The following ADGRL3 variants were observed in gnomAD, a reference collection of about 807,000 sequenced individuals.
ADGRL3 encodes calcium-independent alpha-latrotoxin receptor 3.
In ADGRL3, 62 loss-of-function variants were observed where a neutral mutation model predicts 153.5. The ratio of observed to expected loss-of-function variants is 0.40; its 90% CI spans 0.33 to 0.50. ADGRL3 has a LOEUF of 0.50. Ranked by LOEUF, ADGRL3 falls within the 20% of genes least tolerant of loss-of-function variation. ADGRL3 has a pLI of 0.47. For missense variants in ADGRL3, 1,641 were observed against 1,859.4 expected (o/e 0.88, Z 2.16); for synonymous variants, 710 against 672.5 (o/e 1.06, Z -0.86).
At chr4:61,652,060 G>A (rs1204534899) in intron 5 of ADGRL3, among the ~76,000 whole-genome samples, 1 of 152,128 alleles carries the variant, frequency 6.6e-6, no homozygotes, top group Non-Finnish European at 1.5e-5. Flanking sequence ...GTTTCCATGT[G>A]CATATTGAAA....
At chr4:61,360,361 T>C (rs886984336) in intron 1 of ADGRL3, among the ~76,000 whole-genome samples, 5 of 152,150 alleles carry the variant, frequency 3.3e-5, no homozygotes, top group Non-Finnish European at 7.4e-5. Flanking sequence ...TCTAAAGATG[T>C]TGAGATTATT....
intron 21 of ADGRL3, among the ~76,000 whole-genome samples, chr4:62,009,133 A>G (rs557194486): frequency 1.3e-5 from 2 of 152,208 alleles, no homozygotes; most frequent in South Asian, 4.1e-4. Flanking sequence ...CCATCATTAA[A>G]TGACACATGA....
At chr4:62,006,850 A>G (rs985873720) in intron 21 of ADGRL3, among the ~76,000 whole-genome samples, 1 of 152,092 alleles carries the variant, frequency 6.6e-6, no homozygotes, top group African/African-American at 2.4e-5. Context: ...ACTAAAAAGT[A>G]TGTTTCTGTT....
intron 4 of ADGRL3, among the ~76,000 whole-genome samples, chr4:61,524,260 G>A (rs911966845): frequency 1.3e-5 from 2 of 152,090 alleles, no homozygotes; most frequent in African/African-American, 4.8e-5. Context: ...GGGCAAGTCA[G>A]ATGATGTCCA....
At chr4:61,969,346 G>T (rs1289499694) in intron 17 of ADGRL3, among the ~76,000 whole-genome samples, 1 of 152,084 alleles carries the variant, frequency 6.6e-6, no homozygotes, top group African/African-American at 2.4e-5. Context: ...AAACTTGCCT[G>T]TCTCATCCTA....
rs546441910 is a variant in ADGRL3, at chr4:62,076,681, T to G, written c.*5773T>G. On this transcript the variant is annotated 3_prime_UTR_variant, in exon 27 of 27. Transcript: ENST00000683033. Reference sequence around the variant, plus strand: ...AATTCCACGGGAAACATTAAATACTTTAAACACTCTTGAGATATTTCGTAT... The same window carrying G: ...AATTCCACGGGAAACATTAAATACTGTAAACACTCTTGAGATATTTCGTAT... 2.6e-5 allele frequency: 4 copies of G among 152,096 alleles called. No homozygotes were observed. Among genetic ancestry groups the G allele is most frequent in the African/African-American group, 9.6e-5 (4 of 41,562 alleles). 9.4% of individuals were successfully genotyped at this position (152,096 alleles called of 1,614,324 possible). A position where few individuals can be genotyped will look rare whatever the true frequency, so the allele number is the denominator to read the frequency against.
At chr4:61,937,763 A>G (rs1560402319) in intron 15 of ADGRL3, among the ~76,000 whole-genome samples, 1 of 152,176 alleles carries the variant, frequency 6.6e-6, no homozygotes. Context: ...TGCCTGGTCC[A>G]TCTATACATC....
At chr4:61,404,103 T>C (rs1272688571) in intron 2 of ADGRL3, among the ~76,000 whole-genome samples, 2 of 152,000 alleles carry the variant, frequency 1.3e-5, no homozygotes, top group East Asian at 1.9e-4. Flanking sequence ...TTAATAGATA[T>C]ATAATAGTTA....
At chr4:61,466,218 A>C (rs1032595130) in intron 2 of ADGRL3, among the ~76,000 whole-genome samples, 2 of 152,208 alleles carry the variant, frequency 1.3e-5, no homozygotes, top group African/African-American at 4.8e-5. Flanking sequence ...AGTAACATTT[A>C]AAATAATTTC....
At chr4:61,326,147 A>C (rs1247957587) in intron 1 of ADGRL3, among the ~76,000 whole-genome samples, 4 of 152,148 alleles carry the variant, frequency 2.6e-5, no homozygotes, top group Admixed American at 2.0e-4. Flanking sequence ...CAGTGCATAT[A>C]TGTATGCTGT....
At chr4:61,225,081 G>A (rs1747326511) in intron 1 of ADGRL3, among the ~76,000 whole-genome samples, 1 of 152,028 alleles carries the variant, frequency 6.6e-6, no homozygotes, top group Admixed American at 6.5e-5. Flanking sequence ...GTATTTTATT[G>A]GTGGAAAAGG....
At chr4:61,335,654 A>G (rs762853409) in intron 1 of ADGRL3, among the ~76,000 whole-genome samples, 4 of 152,222 alleles carry the variant, frequency 2.6e-5, no homozygotes, top group Non-Finnish European at 1.5e-5. Context: ...AGATTGGCTG[A>G]TGATTTGAGG....
chr4:61,993,371 C>A (rs185004389), intron 19 of ADGRL3, among the ~76,000 whole-genome samples: 24 of 143,664 alleles, frequency 1.7e-4, no homozygotes, highest in African/African-American at 5.9e-4. Context: ...TGGCTCACTG[C>A]AACCTCTGCC....
intron 5 of ADGRL3, among the ~76,000 whole-genome samples, chr4:61,630,685 G>T (rs2093108639): frequency 6.6e-6 from 1 of 152,204 alleles, no homozygotes; most frequent in Admixed American, 6.5e-5. Flanking sequence ...CAGCTGGCTA[G>T]CCAGATACTG....
At position 61,751,314 on chromosome 4, in the gene ADGRL3, C is replaced by T. The variant is rs539206180; in HGVS notation, c.1399+17760C>T. Among the ~76,000 whole-genome samples, 3 of 152,182 alleles carry T rather than the reference C, an allele frequency of 2.0e-5. No homozygotes were observed. In the South Asian group the frequency reaches 6.2e-4, roughly 32 times the overall value. ...AAATAAAATCTGAACTATGTTATTG[C>T]CCCTTATTCACTGGTTGACTAAAAT... is the stretch of plus-strand genomic sequence containing the variant. On this transcript the variant is annotated intron_variant, in intron 8 of 26. Transcript: ENST00000683033.
chr4:61,553,543 G>A (rs1028864811), intron 4 of ADGRL3, among the ~76,000 whole-genome samples: 1 of 152,102 alleles, frequency 6.6e-6, no homozygotes, highest in African/African-American at 2.4e-5. Flanking sequence ...TCCAAGTTAT[G>A]AGCCATTATT....
intron 3 of ADGRL3, among the ~76,000 whole-genome samples, chr4:61,516,098 A>G (rs1454019389): frequency 6.6e-6 from 1 of 152,126 alleles, no homozygotes; most frequent in Non-Finnish European, 1.5e-5. Flanking sequence ...TTTCCATTAT[A>G]GATATATTGT....
intron 2 of ADGRL3, among the ~76,000 whole-genome samples, chr4:61,455,034 CA>C (rs895095699): frequency 5.3e-5 from 8 of 151,932 alleles, no homozygotes; most frequent in Admixed American, 4.6e-4. Flanking sequence ...AGCAAAAAAA[CA>C]AAAAAACAAC....
chr4:61,970,950 C>T (rs542709300), intron 17 of ADGRL3, among the ~76,000 whole-genome samples: 10 of 151,958 alleles, frequency 6.6e-5, no homozygotes, highest in South Asian at 4.2e-4. Flanking sequence ...CACGTTTATC[C>T]GAAAATAGGC....
Sources: allele counts gnomAD v4.1 joint callset (sites outside exome capture counted in the v4.1 genomes callset), GRCh38; gene constraint gnomAD v4.1.1; transcripts MANE v1.5; gene names NCBI Gene and HGNC (gene_info 2026-07-23, HGNC 2026-07-21).